Variants in ARSB observed in about 807,000 individuals in gnomAD.
ARSB encodes the protein N-acetylgalactosamine-4-sulfatase.
Under a neutral mutation model 50.9 loss-of-function variants are expected in ARSB, and 41 were observed. The ratio of observed to expected loss-of-function variants is 0.81; its 90% CI spans 0.63 to 1.04. ARSB has a LOEUF of 1.04. Among genes scored for constraint, ARSB ranks in the 50% least tolerant of loss-of-function variants. The pLI is 0.00. For missense variants in ARSB, 672 were observed against 693.3 expected, an observed-to-expected ratio of 0.97 and a Z score of 0.35; for synonymous variants, 269 against 284.8, an observed-to-expected ratio of 0.94 and a Z score of 0.56.
intron 6 of ARSB, among the ~76,000 whole-genome samples, chr5:78,812,829 C>T (rs562620909): frequency 6.6e-6 from 1 of 151,836 alleles, no homozygotes; most frequent in Admixed American, 6.6e-5. Context: ...CCTGTCTCTA[C>T]AAAATACAAA....
At chr5:78,806,198 G>C (rs987906031) in intron 6 of ARSB, among the ~76,000 whole-genome samples, 1 of 152,320 alleles carries the variant, frequency 6.6e-6, no homozygotes. Context: ...CTAAAGGGAT[G>C]ACAATAATCA....
At chr5:78,818,019 G>A (rs1451804176) in intron 6 of ARSB, among the ~76,000 whole-genome samples, 3 of 151,978 alleles carry the variant, frequency 2.0e-5, no homozygotes, top group Admixed American at 6.6e-5. Context: ...ATGGCAGCAC[G>A]TACCTGTGGT....
At position 78,890,010 on chromosome 5, in the gene ARSB, G is replaced by A. The variant is rs16876044; in HGVS notation, c.899-4183C>T. ...GGCCCTGATGCAAGGGTGACTAACA[G>A]ATGAGTAGGCAACATCGTTTCAAAA... On this transcript the variant is annotated intron_variant, in intron 4 of 7. Transcript: ENST00000264914. Among the ~76,000 whole-genome samples, 1,263 of 152,284 alleles carry A rather than the reference G, an allele frequency of 8.3e-3. 18 individuals are homozygous for A. Among genetic ancestry groups the A allele is most frequent in the African/African-American group, 0.029 (1,203 of 41,560 alleles).
At chr5:78,895,329 T>C (rs1277182549) in intron 4 of ARSB, among the ~76,000 whole-genome samples, 1 of 152,038 alleles carries the variant, frequency 6.6e-6, no homozygotes, top group Non-Finnish European at 1.5e-5. Context: ...TTTCCAACAT[T>C]AAATGATCCA....
chr5:78,985,520 C>T (rs991427030), upstream of ARSB: 6 of 263,220 alleles, frequency 2.3e-5, no homozygotes, highest in Non-Finnish European at 4.3e-5. Context: ...CACCAAGGCC[C>T]GTTATCTTCC....
chr5:78,876,924 C>T (rs906468917), intron 5 of ARSB, among the ~76,000 whole-genome samples: 8 of 152,138 alleles, frequency 5.3e-5, no homozygotes, highest in African/African-American at 1.4e-4. Context: ...GAGGGATCTA[C>T]GGTGTATGCT....
At chr5:78,903,369 C>T (rs1419342336) in intron 4 of ARSB, among the ~76,000 whole-genome samples, 5 of 152,182 alleles carry the variant, frequency 3.3e-5, no homozygotes, top group Admixed American at 3.3e-4. Flanking sequence ...AGAACACAAG[C>T]AGGGATATAT....
rs138060788 is a variant in ARSB, at chr5:78,817,910, C to T, written c.1213+21446G>A. 0.01 allele frequency among the ~76,000 whole-genome samples: 1,527 copies of T among 152,250 alleles called. 41 individuals are homozygous for T. In the East Asian group the frequency reaches 0.11, roughly 11 times the overall value. ...TCTGTAATCCCAACACTTTGGGAGGCCAAGGCAGGTGGATCACTTGAGGTC... is the reference window on the plus strand; with the variant it reads ...TCTGTAATCCCAACACTTTGGGAGGTCAAGGCAGGTGGATCACTTGAGGTC... On this transcript the variant is annotated intron_variant, in intron 6 of 7. Transcript: ENST00000264914.
At chr5:78,918,549 GCACA>G (rs71001139) in intron 4 of ARSB, among the ~76,000 whole-genome samples, 6 of 149,902 alleles carry the variant, frequency 4.0e-5, no homozygotes, top group Admixed American at 1.3e-4. Flanking sequence ...AATATCATGT[GCACA>G]CACACACACA....
chr5:78,834,624 T>TATATATAC (rs1554073649), intron 6 of ARSB, among the ~76,000 whole-genome samples: 1 of 127,980 alleles, frequency 7.8e-6, no homozygotes, highest in East Asian at 2.3e-4. Context: ...TATATATATA[T>TATATATAC]ATATATATAT....
At chr5:78,886,801 A>T (rs746088287) in intron 4 of ARSB, among the ~76,000 whole-genome samples, 7 of 152,226 alleles carry the variant, frequency 4.6e-5, no homozygotes, top group Non-Finnish European at 8.8e-5. Context: ...CAAATGAGCC[A>T]CATGAGGGCA....
chr5:78,847,914 T>C (rs989518158), intron 5 of ARSB, among the ~76,000 whole-genome samples: 9 of 152,096 alleles, frequency 5.9e-5, no homozygotes, highest in Non-Finnish European at 4.4e-5. Flanking sequence ...CAATGTCTCC[T>C]TTTTTGTTGG....
At chr5:78,972,733 G>A (rs763240137) in intron 1 of ARSB, among the ~76,000 whole-genome samples, 1 of 152,130 alleles carries the variant, frequency 6.6e-6, no homozygotes, top group Non-Finnish European at 1.5e-5. Context: ...TCCCTTAAAT[G>A]GAAAGCTCAT....
intron 4 of ARSB, among the ~76,000 whole-genome samples, chr5:78,921,580 A>G (rs75741670): frequency 0.038 from 5,739 of 152,290 alleles, 352 homozygotes; most frequent in African/African-American, 0.13. Context: ...ATTTAAAATT[A>G]CATATGTGGA....
intron 5 of ARSB, among the ~76,000 whole-genome samples, chr5:78,856,875 T>C (rs1056738044): frequency 6.6e-6 from 1 of 152,194 alleles, no homozygotes; most frequent in Non-Finnish European, 1.5e-5. Flanking sequence ...CATCACTCTC[T>C]CATAAGAAGT....
At chr5:78,952,459 C>G (rs1404692917) in intron 4 of ARSB, among the ~76,000 whole-genome samples, 1 of 152,144 alleles carries the variant, frequency 6.6e-6, no homozygotes, top group Non-Finnish European at 1.5e-5. Flanking sequence ...GCCTCAGCCC[C>G]TCCAGTAGCT....
chr5:78,961,337 A>G (rs913474823), intron 3 of ARSB, among the ~76,000 whole-genome samples: 1 of 152,212 alleles, frequency 6.6e-6, no homozygotes, highest in Admixed American at 6.5e-5. Context: ...CAGCTTGACT[A>G]TTGATTATTT....
At chr5:78,968,798 T>C (rs568508491) in intron 2 of ARSB, among the ~76,000 whole-genome samples, 1 of 152,276 alleles carries the variant, frequency 6.6e-6, no homozygotes, top group African/African-American at 2.4e-5. Context: ...CATTTAGAAC[T>C]CCAACAAAGG....
intron 4 of ARSB, among the ~76,000 whole-genome samples, chr5:78,936,718 A>T (rs1298350467): frequency 6.6e-6 from 1 of 152,216 alleles, no homozygotes; most frequent in Non-Finnish European, 1.5e-5. Flanking sequence ...AGCCCTGCAT[A>T]GGTCTTTATG....
Sources: gnomAD v4.1 joint callset for allele counts (sites outside exome capture counted in the v4.1 genomes callset) on GRCh38, gnomAD v4.1.1 for gene constraint, MANE v1.5 for transcripts, NCBI Gene and HGNC (gene_info 2026-07-23, HGNC 2026-07-21) for gene names.